The following FOLH1 variants were observed in gnomAD, a reference collection of about 807,000 sequenced individuals.
FOLH1 encodes the protein glutamate carboxypeptidase 2.
Under a neutral mutation model 93.9 loss-of-function variants are expected in FOLH1, and 54 were observed. The ratio of observed to expected loss-of-function variants is 0.57; its 90% CI spans 0.46 to 0.72. The LOEUF (loss-of-function observed/expected upper bound fraction) is 0.72. Among genes scored for constraint, FOLH1 ranks in the 30% least tolerant of loss-of-function variants. The pLI, the probability that FOLH1 is intolerant of heterozygous loss-of-function variation, is 0.00. For missense variants in FOLH1, 571 were observed against 892.5 expected, an observed-to-expected ratio of 0.64 and a Z score of 4.59; for synonymous variants, 249 against 303.6, an observed-to-expected ratio of 0.82 and a Z score of 1.87.
chr11:49,166,264 T>C (rs1218908859), intron 12 of FOLH1, among the ~76,000 whole-genome samples: 1 of 152,194 alleles, frequency 6.6e-6, no homozygotes, highest in Admixed American at 6.5e-5. Context: ...TATAAGGTGG[T>C]GAGAGACAAT....
At chr11:49,158,531 C>T (rs776434223) in intron 13 of FOLH1, among the ~76,000 whole-genome samples, 22 of 152,080 alleles carry the variant, frequency 1.4e-4, no homozygotes, top group Non-Finnish European at 2.9e-4. Context: ...CAGTATCATG[C>T]TGTTTTGATT....
rs192192993 is a variant in FOLH1, at chr11:49,167,343, A to G, written c.1372+1852T>C. ...TATTTAGAAGTGAGAAAACTGAGGC[A>G]CAGAAAGTAAGTAGCTTGGGTCACA... is the stretch of plus-strand genomic sequence containing the variant. On this transcript the variant is annotated intron_variant, in intron 12 of 18. Coordinates refer to ENST00000256999, the MANE Select transcript of FOLH1 (RefSeq NM_004476.3). Among the ~76,000 whole-genome samples, 4 of 152,342 alleles carry G rather than the reference A, an allele frequency of 2.6e-5. No homozygotes were observed. In the East Asian group the frequency reaches 7.7e-4, roughly 29 times the overall value.
In FOLH1 at chr11:49,208,324, G is replaced by T; in HGVS notation, c.86C>A (p.Ala29Glu). The T allele has an allele frequency of 6.3e-7, 1 of 1,589,314 alleles. No homozygotes were observed. The highest frequency in any genetic ancestry group is 8.6e-7 in the Non-Finnish European group (1 of 1,166,400). ...GAAGCCGAGGAGAAAGAAGCCACCC[G>T]CCAGCACCAGCGCCCCAGCGCACAG... ...RWLCAGALVL[A>E]GGFFLLGFLF... is the part of the protein sequence containing the mutation. The change falls in exon 1 of 19, where the codon GCG becomes GAG. Residue 29 changes from alanine to glutamate, a missense_variant. Ala to Glu is a moderately radical substitution (Grantham distance 107). Around this residue, in one of 2 missense-constraint regions of FOLH1, gnomAD observed 71 missense variants for 69.6 expected, o/e 1.02. Coordinates refer to ENST00000256999, the MANE Select transcript of FOLH1 (RefSeq NM_004476.3).
chr11:49,160,213 A>G (rs1857534565), intron 13 of FOLH1, among the ~76,000 whole-genome samples: 1 of 151,706 alleles, frequency 6.6e-6, no homozygotes, highest in Non-Finnish European at 1.5e-5. Context: ...GAATCTTATC[A>G]CTTTTCTTCT....
chr11:49,195,768 T>C (rs773679897), intron 3 of FOLH1, among the ~76,000 whole-genome samples: 3 of 151,932 alleles, frequency 2.0e-5, no homozygotes, highest in Non-Finnish European at 4.4e-5. Flanking sequence ...GATAAGAAAA[T>C]ACTAGGAACA....
intron 10 of FOLH1, among the ~76,000 whole-genome samples, chr11:49,171,556 G>A (rs918913315): frequency 6.6e-6 from 1 of 152,034 alleles, no homozygotes; most frequent in African/African-American, 2.4e-5. Flanking sequence ...GCTATGCATA[G>A]GAAGTCATTG....
chr11:49,183,724 T>C (rs1377510827), intron 6 of FOLH1, among the ~76,000 whole-genome samples: 1 of 151,410 alleles, frequency 6.6e-6, no homozygotes, highest in African/African-American at 2.4e-5. Flanking sequence ...TGATAGAAAA[T>C]CTCAAATTAC....
At chr11:49,148,212 A>T (rs1167027393) in intron 18 of FOLH1, among the ~76,000 whole-genome samples, 3 of 151,026 alleles carry the variant, frequency 2.0e-5, no homozygotes, top group Non-Finnish European at 4.4e-5. Context: ...GAATAAATAA[A>T]TATATATTTA....
chr11:49,191,853 G>A (rs1293856893), intron 4 of FOLH1, among the ~76,000 whole-genome samples: 3 of 152,078 alleles, frequency 2.0e-5, no homozygotes, highest in Admixed American at 6.5e-5. Context: ...GTGTGTCACC[G>A]CATCTGGCTA....
intron 7 of FOLH1, among the ~76,000 whole-genome samples, chr11:49,179,899 CTT>C (rs1307127798): frequency 6.6e-6 from 1 of 152,152 alleles, no homozygotes; most frequent in African/African-American, 2.4e-5. Context: ...TTACTACTGA[CTT>C]TACCTAATTC....
chr11:49,169,841 A>G (rs999143819), intron 11 of FOLH1, among the ~76,000 whole-genome samples: 14 of 152,220 alleles, frequency 9.2e-5, no homozygotes, highest in Non-Finnish European at 7.3e-5. Flanking sequence ...TGAGATATCA[A>G]TGTGAATTCT....
At chr11:49,154,577 G>T (rs1590422114) in intron 15 of FOLH1, 85 bp from the exon 16 acceptor site, 2 of 1,539,270 alleles carry the variant, frequency 1.3e-6, no homozygotes, top group East Asian at 4.6e-5. Flanking sequence ...GTATTAGTAA[G>T]ATTGGTCAGT....
intron 1 of FOLH1, chr11:49,207,632 A>G (rs978098493): frequency 6.2e-6 from 2 of 323,534 alleles, no homozygotes; most frequent in South Asian, 2.5e-5. Context: ...ACTATTACCA[A>G]TAATTTGCAG....
intron 3 of FOLH1, among the ~76,000 whole-genome samples, chr11:49,194,325 C>T (rs1390711831): frequency 1.3e-5 from 2 of 151,722 alleles, no homozygotes; most frequent in Admixed American, 1.3e-4. Flanking sequence ...TATTTTAAAG[C>T]AGTGCCAGGT....
At chr11:49,172,249 T>C (rs933930811) in intron 10 of FOLH1, among the ~76,000 whole-genome samples, 1 of 152,198 alleles carries the variant, frequency 6.6e-6, no homozygotes, top group Non-Finnish European at 1.5e-5. Context: ...AGAAAAATCA[T>C]GAAACATTTT....
At chr11:49,207,577 G>A (rs1261196872) in intron 1 of FOLH1, among the ~76,000 whole-genome samples, 1 of 152,078 alleles carries the variant, frequency 6.6e-6, no homozygotes, top group African/African-American at 2.4e-5. Flanking sequence ...ATAAAGTGGC[G>A]AAAATCCCAG....
chr11:49,185,678 G>A lies in FOLH1; in HGVS notation c.817C>T (p.Pro273Ser). 1.2e-6 allele frequency: 2 copies of A among 1,613,640 alleles called. No individual in the cohort carries two copies. The highest frequency in any genetic ancestry group is 1.7e-6 in the Non-Finnish European group (2 of 1,179,730). Reference protein sequence around the residue: ...GAGDPLTPGYPANEYAYRRGI... With the variant: ...GAGDPLTPGYSANEYAYRRGI... ...AGGATTGATCATTCACCATTTGCTG[G>A]GTAACCTGGTGTGAGAGGGTCTCCT... The change falls in exon 6 of 19, where the codon CCA (proline) becomes TCA (serine). Residue 273 changes from proline (P) to serine (S), a missense_variant. Physicochemically the swap from Pro to Ser is moderately conservative, Grantham distance 74. Around this residue, in one of 2 missense-constraint regions of FOLH1, gnomAD observed 500 missense variants for 822.9 expected, o/e 0.61. Coordinates refer to ENST00000256999, the MANE Select transcript of FOLH1 (RefSeq NM_004476.3).
At position 49,146,192 on chromosome 11, in the gene FOLH1, T is replaced by G. The variant is rs1331485265; in HGVS notation, c.*564A>C. Reference sequence around the variant, plus strand: ...GGCTATTAGGTTCACAAGTGTTCATTTAATTACTATACATATATTTTATAC... The same window carrying G: ...GGCTATTAGGTTCACAAGTGTTCATGTAATTACTATACATATATTTTATAC... On this transcript the variant is annotated 3_prime_UTR_variant, in exon 19 of 19. Coordinates refer to ENST00000256999, the MANE Select transcript of FOLH1 (RefSeq NM_004476.3). 6.6e-6 allele frequency among the ~76,000 whole-genome samples: 1 copy of G among 152,216 alleles called. No individual in the cohort carries two copies. The highest frequency in any genetic ancestry group is 2.4e-5 in the African/African-American group (1 of 41,466).
intron 4 of FOLH1, among the ~76,000 whole-genome samples, chr11:49,189,586 T>A (rs1861799670): frequency 6.6e-6 from 1 of 152,172 alleles, no homozygotes; most frequent in Non-Finnish European, 1.5e-5. Flanking sequence ...TAAAGTGTGT[T>A]TTTGACTTAG....
Sources: allele counts gnomAD v4.1 joint callset (sites outside exome capture counted in the v4.1 genomes callset), GRCh38; gene constraint gnomAD v4.1.1; regional missense constraint gnomAD v4.1.1; transcripts MANE v1.5; gene names NCBI Gene and HGNC (gene_info 2026-07-23, HGNC 2026-07-21).